Variants in INSC observed in about 807,000 individuals in gnomAD.
INSC encodes INSC spindle orientation adaptor protein, also known as protein inscuteable homolog.
Under a neutral mutation model 58.6 loss-of-function variants are expected in INSC, and 67 were observed. The ratio of observed to expected loss-of-function variants is 1.14; its 90% CI spans 0.94 to 1.40. INSC has a LOEUF of 1.40. Among genes scored for constraint, INSC ranks in the 40% most tolerant of loss-of-function variants. INSC has a pLI of 0.00. For missense variants in INSC, 714 were observed against 692.0 expected (o/e 1.03, Z -0.36); for synonymous variants, 262 against 276.1 (o/e 0.95, Z 0.51).
intron 1 of INSC, among the ~76,000 whole-genome samples, chr11:15,140,962 G>C (rs975815093): frequency 1.3e-5 from 2 of 152,104 alleles, no homozygotes; most frequent in East Asian, 3.9e-4. Flanking sequence ...CTGAAAAATG[G>C]AGATAACAAT....
At chr11:15,113,038 TCTTTCCTTCCCTTC>T (rs1266281149), upstream of INSC, among the ~76,000 whole-genome samples, 1 of 152,048 alleles carries the variant, frequency 6.6e-6, no homozygotes, top group Non-Finnish European at 1.5e-5. Flanking sequence ...ATTGGAGACT[TCTTTCCTTCCCTTC>T]CTTTCCTTCC....
intron 6 of INSC, among the ~76,000 whole-genome samples, chr11:15,195,636 T>C (rs2133871246): frequency 6.6e-6 from 1 of 152,316 alleles, no homozygotes; most frequent in Non-Finnish European, 1.5e-5. Context: ...CAAGATGATG[T>C]TTGACCTCCT....
At chr11:15,234,130 C>A (rs548125710) in intron 9 of INSC, among the ~76,000 whole-genome samples, 1 of 152,318 alleles carries the variant, frequency 6.6e-6, no homozygotes, top group Non-Finnish European at 1.5e-5. Flanking sequence ...CTTAAAACAC[C>A]TGGTGGTACA....
At chr11:15,125,321 A>G (rs1032793886) in intron 1 of INSC, among the ~76,000 whole-genome samples, 1 of 152,212 alleles carries the variant, frequency 6.6e-6, no homozygotes, top group African/African-American at 2.4e-5. Context: ...CAATGCAATA[A>G]TGGGTGCCAG....
chr11:15,167,099 G>A (rs906133350), intron 2 of INSC, among the ~76,000 whole-genome samples: 2 of 150,604 alleles, frequency 1.3e-5, no homozygotes, highest in African/African-American at 4.9e-5. Flanking sequence ...GTCTAATTCT[G>A]TCTATTTTTT....
chr11:15,233,543 G>T (rs1852004110), intron 9 of INSC, among the ~76,000 whole-genome samples: 1 of 152,164 alleles, frequency 6.6e-6, no homozygotes, highest in Non-Finnish European at 1.5e-5. Context: ...ACCACATGGG[G>T]TACAGGCTCT....
chr11:15,178,058 A>G (rs1849633224), intron 4 of INSC, among the ~76,000 whole-genome samples: 1 of 152,144 alleles, frequency 6.6e-6, no homozygotes, highest in Non-Finnish European at 1.5e-5. Context: ...CTGCAGGGAG[A>G]AGCCCAGAGG....
intron 2 of INSC, among the ~76,000 whole-genome samples, chr11:15,173,961 C>A (rs1370701630): frequency 1.3e-5 from 2 of 152,202 alleles, no homozygotes; most frequent in East Asian, 3.8e-4. Flanking sequence ...GGTACCTTTG[C>A]TTCACCAGGC....
the INSC span, among the ~76,000 whole-genome samples, chr11:15,261,367 A>G: frequency 6.6e-6 from 1 of 152,208 alleles, no homozygotes; most frequent in African/African-American, 2.4e-5. Context: ...CAGAGCTGAT[A>G]TGTAACAGCA....
At chr11:15,132,095 T>C (rs1224587590) in intron 1 of INSC, among the ~76,000 whole-genome samples, 1 of 152,218 alleles carries the variant, frequency 6.6e-6, no homozygotes, top group Non-Finnish European at 1.5e-5. Context: ...TCTGTTCTTT[T>C]AGTTAATTAC....
rs377658017 is a variant in INSC at position 15,149,135 on chromosome 11, C to T, written c.-40C>T. The T allele has an allele frequency of 1.3e-4, 213 of 1,606,566 alleles. No homozygotes were observed. Among genetic ancestry groups the T allele is most frequent in the Middle Eastern group, 1.7e-4 (1 of 6,040 alleles). Reference sequence around the variant, plus strand: ...ATCCTGCCCTCTATTTTCAGGGTCACGACCGCTGCAAGCAGGCTTTGCTGC... The same window carrying T: ...ATCCTGCCCTCTATTTTCAGGGTCATGACCGCTGCAAGCAGGCTTTGCTGC... On this transcript the variant is annotated 5_prime_UTR_variant, in exon 2 of 13. It adds an upstream start codon to the 5' untranslated region. Coordinates refer to ENST00000379556, the MANE Select transcript of INSC (RefSeq NM_001042536.3).
At chr11:15,178,469 G>T (rs772232102) in intron 5 of INSC, 22 bp downstream of exon 5, 1 of 1,603,164 alleles carries the variant, frequency 6.2e-7, no homozygotes, top group African/African-American at 1.3e-5. Context: ...CTGGGCTGCA[G>T]GGAGGGGTGC....
chr11:15,259,560 C>T, the INSC span, among the ~76,000 whole-genome samples: 1 of 152,068 alleles, frequency 6.6e-6, no homozygotes, highest in African/African-American at 2.4e-5. Context: ...TTTTTGTCCA[C>T]TTTTAGATGA....
At chr11:15,237,542 G>A (rs1268124000) in intron 10 of INSC, among the ~76,000 whole-genome samples, 1 of 152,202 alleles carries the variant, frequency 6.6e-6, no homozygotes, top group Non-Finnish European at 1.5e-5. Context: ...AGAGTTTAAT[G>A]AAGGAGCTAT....
intron 1 of INSC, among the ~76,000 whole-genome samples, chr11:15,134,879 T>C (rs1659878619): frequency 6.6e-6 from 1 of 151,740 alleles, no homozygotes; most frequent in South Asian, 2.1e-4. Flanking sequence ...TATTGTGGCT[T>C]TCAGGTTGCT....
chr11:15,184,500 A>C (rs58202289), intron 5 of INSC: 2,460 of 157,092 alleles, frequency 0.016, 83 homozygotes, highest in African/African-American at 0.056. Context: ...GGTTCAAGTG[A>C]TTCCCCTGCC....
chr11:15,241,719 T>A, intron 12 of INSC: 1 of 649,148 alleles, frequency 1.5e-6, no homozygotes, highest in South Asian at 1.7e-5. Flanking sequence ...ATCCTTTAAA[T>A]GCAAAAAAGT....
chr11:15,220,991 A>T (rs774218534), intron 7 of INSC, among the ~76,000 whole-genome samples: 7 of 152,190 alleles, frequency 4.6e-5, no homozygotes, highest in Non-Finnish European at 8.8e-5. Flanking sequence ...TTTCCTGAGC[A>T]TCTCTTCTAG....
At chr11:15,124,419 C>A (rs993219858) in intron 1 of INSC, among the ~76,000 whole-genome samples, 1 of 152,146 alleles carries the variant, frequency 6.6e-6, no homozygotes, top group African/African-American at 2.4e-5. Context: ...AGATTAGGCT[C>A]CTTATTCAGG....
Sources: allele counts gnomAD v4.1 joint callset (sites outside exome capture counted in the v4.1 genomes callset), GRCh38; gene constraint gnomAD v4.1.1; transcripts MANE v1.5; gene names NCBI Gene and HGNC (gene_info 2026-07-23, HGNC 2026-07-21).